RBMS3: variants seen among roughly 807,000 people sequenced by gnomAD.
The protein encoded by RBMS3 is RNA binding motif single stranded interacting protein 3, also known as RNA-binding motif, single-stranded-interacting protein 3.
In RBMS3, 27 loss-of-function variants were observed where a neutral mutation model predicts 66.8. The ratio of observed to expected loss-of-function variants is 0.40; its 90% CI spans 0.30 to 0.56. The LOEUF is 0.56. Ranked by LOEUF, RBMS3 falls within the 20% of genes least tolerant of loss-of-function variation. RBMS3 has a pLI of 0.40. For synonymous variants in RBMS3, 188 were observed against 183.0 expected (o/e 1.03, Z -0.22); for missense variants, 513 against 549.5 (o/e 0.93, Z 0.66).
chr3:29,494,263 C>G (rs1025245337), intron 3 of RBMS3, among the ~76,000 whole-genome samples: 3 of 152,218 alleles, frequency 2.0e-5, no homozygotes, highest in East Asian at 1.9e-4. Flanking sequence ...CTTTTATGCT[C>G]TCCTGAATCC....
intron 4 of RBMS3, among the ~76,000 whole-genome samples, chr3:29,706,060 A>G (rs2052876070): frequency 6.6e-6 from 1 of 152,144 alleles, no homozygotes; most frequent in South Asian, 2.1e-4. Context: ...CTCCAAGGAC[A>G]TGTTGTCACC....
intron 2 of RBMS3, among the ~76,000 whole-genome samples, chr3:29,447,026 C>T (rs1357019707): frequency 6.7e-6 from 1 of 149,152 alleles, no homozygotes; most frequent in Non-Finnish European, 1.5e-5. Flanking sequence ...CATTCTCTTG[C>T]CTCAGTCTCC....
chr3:29,931,631 T>TCAAAACAAAA (rs10682087), intron 10 of RBMS3, among the ~76,000 whole-genome samples: 5,535 of 150,462 alleles, frequency 0.037, 282 homozygotes, highest in African/African-American at 0.11. Context: ...TGAACCCTCA[T>TCAAAACAAAA]CAAAACAAAA....
At chr3:29,899,281 G>A (rs2122224) in intron 9 of RBMS3, among the ~76,000 whole-genome samples, 17,006 of 151,620 alleles carry the variant, frequency 0.11, 1,150 homozygotes, top group Middle Eastern at 0.3. Flanking sequence ...TTCTAAAATG[G>A]GATCACTTGA....
intron 6 of RBMS3, among the ~76,000 whole-genome samples, chr3:29,846,218 C>T (rs1326316803): frequency 6.6e-6 from 1 of 151,728 alleles, no homozygotes. Context: ...ATAAAAGGGA[C>T]CATTGCAGAA....
At chr3:29,319,838 A>G (rs1160283322) in intron 1 of RBMS3, among the ~76,000 whole-genome samples, 1 of 152,012 alleles carries the variant, frequency 6.6e-6, no homozygotes, top group Non-Finnish European at 1.5e-5. Context: ...CAAATTGTTC[A>G]TGTCAGCACA....
chr3:29,392,604 C>T (rs1325715883), intron 1 of RBMS3, among the ~76,000 whole-genome samples: 2 of 152,104 alleles, frequency 1.3e-5, no homozygotes, highest in South Asian at 2.1e-4. Flanking sequence ...AGCTTTTAAA[C>T]CTTTGCTTAG....
intron 3 of RBMS3, among the ~76,000 whole-genome samples, chr3:29,517,049 T>TA: frequency 6.6e-6 from 1 of 151,900 alleles, no homozygotes; most frequent in East Asian, 1.9e-4. Context: ...CGATCTCTAC[T>TA]AAAAATACCA....
At position 29,810,305 on chromosome 3, in the gene RBMS3, C is replaced by G. The variant is rs542082177; in HGVS notation, c.637+47316C>G. 2.4e-4 allele frequency among the ~76,000 whole-genome samples: 36 copies of G among 152,132 alleles called. No homozygotes were observed. In the South Asian group the frequency reaches 7.2e-3, roughly 31 times the overall value. On this transcript the variant is annotated intron_variant, in intron 6 of 14. Transcript: ENST00000383767. ...TCCAGTTATAAATTTTTATTTCTAA[C>G]TTAAGAAATTAAACTAATTATGTAT...
chr3:29,830,798 G>A (rs1374205567), intron 6 of RBMS3, among the ~76,000 whole-genome samples: 1 of 152,070 alleles, frequency 6.6e-6, no homozygotes, highest in Non-Finnish European at 1.5e-5. Context: ...TGCCCCTTGT[G>A]CATTCATTTC....
chr3:29,888,319 T>C (rs949034845), intron 8 of RBMS3, among the ~76,000 whole-genome samples: 134 of 151,820 alleles, frequency 8.8e-4, no homozygotes, highest in African/African-American at 3.1e-3. Context: ...CATATTATAT[T>C]ATCTAATCTC....
intron 2 of RBMS3, among the ~76,000 whole-genome samples, chr3:29,444,619 C>T (rs2041749024): frequency 6.6e-6 from 1 of 151,704 alleles, no homozygotes; most frequent in Admixed American, 6.6e-5. Flanking sequence ...TGAATACTTG[C>T]TGAGAAGTCA....
chr3:29,578,365 T>C (rs867452188), intron 3 of RBMS3, among the ~76,000 whole-genome samples: 2 of 151,940 alleles, frequency 1.3e-5, no homozygotes, highest in African/African-American at 4.9e-5. Flanking sequence ...TACATATAAG[T>C]GCTTTTTTTA....
At chr3:29,439,772 G>C (rs528882846) in intron 2 of RBMS3, among the ~76,000 whole-genome samples, 55 of 152,052 alleles carry the variant, frequency 3.6e-4, no homozygotes, top group Non-Finnish European at 6.9e-4. Context: ...TTCTTACCCA[G>C]TCTTGAACGG....
chr3:29,340,788 A>G (rs1350815862), intron 1 of RBMS3, among the ~76,000 whole-genome samples: 1 of 152,182 alleles, frequency 6.6e-6, no homozygotes, highest in Non-Finnish European at 1.5e-5. Flanking sequence ...ATTAGATCAT[A>G]GTATTTCAGT....
intron 6 of RBMS3, among the ~76,000 whole-genome samples, chr3:29,812,912 C>G (rs1158933627): frequency 6.6e-6 from 1 of 151,994 alleles, no homozygotes; most frequent in East Asian, 1.9e-4. Context: ...ATATGTGCAT[C>G]TGTGTATGCA....
intron 1 of RBMS3, among the ~76,000 whole-genome samples, chr3:29,286,046 C>T (rs2032302154): frequency 6.6e-6 from 1 of 152,082 alleles, no homozygotes; most frequent in African/African-American, 2.4e-5. Flanking sequence ...CTTGAAAACT[C>T]CAAAGTTCTG....
At chr3:29,925,499 C>T (rs953113731) in intron 10 of RBMS3, among the ~76,000 whole-genome samples, 4 of 152,112 alleles carry the variant, frequency 2.6e-5, no homozygotes, top group Admixed American at 2.6e-4. Flanking sequence ...GATTGAGGAA[C>T]TATACTAAAT....
chr3:29,795,576 C>T (rs1398531719), intron 6 of RBMS3, among the ~76,000 whole-genome samples: 1 of 152,180 alleles, frequency 6.6e-6, no homozygotes. Context: ...GTATATCACA[C>T]ATAAGCTCAA....
Sources: allele counts gnomAD v4.1 joint callset (sites outside exome capture counted in the v4.1 genomes callset), GRCh38; gene constraint gnomAD v4.1.1; transcripts MANE v1.5; gene names NCBI Gene and HGNC (gene_info 2026-07-23, HGNC 2026-07-21).